The following ADAM32 variants were observed in gnomAD, a reference collection of about 807,000 sequenced individuals.
ADAM32 encodes the protein disintegrin and metalloproteinase domain-containing protein 32.
In ADAM32, 89 loss-of-function variants were observed where a neutral mutation model predicts 114.9. That is an observed-to-expected ratio of 0.77 (90% CI 0.65 to 0.92). The LOEUF (loss-of-function observed/expected upper bound fraction) is 0.92. Ranked by LOEUF, ADAM32 falls within the 40% of genes least tolerant of loss-of-function variation. The pLI, the probability that ADAM32 is intolerant of heterozygous loss-of-function variation, is 0.00. For synonymous variants in ADAM32, 285 were observed against 307.5 expected, an observed-to-expected ratio of 0.93 and a Z score of 0.77; for missense variants, 870 against 932.8, an observed-to-expected ratio of 0.93 and a Z score of 0.88.
intron 11 of ADAM32, among the ~76,000 whole-genome samples, chr8:39,207,618 T>C (rs572345711): frequency 6.6e-6 from 1 of 152,372 alleles, no homozygotes; most frequent in African/African-American, 2.4e-5. Context: ...TCATTTGGTA[T>C]AGTCACCCTA....
intron 6 of ADAM32, among the ~76,000 whole-genome samples, chr8:39,155,463 G>A (rs566562866): frequency 4.0e-4 from 61 of 152,346 alleles, no homozygotes; most frequent in African/African-American, 1.3e-3. Flanking sequence ...CCAAACATGT[G>A]AGGCTTCCTG....
At chr8:39,203,820 A>T (rs1807613233) in intron 11 of ADAM32, among the ~76,000 whole-genome samples, 1 of 152,156 alleles carries the variant, frequency 6.6e-6, no homozygotes, top group Admixed American at 6.5e-5. Flanking sequence ...CTTATAAGGC[A>T]GGCCTGGTGG....
At chr8:39,108,706 G>C (rs2129443864) in intron 1 of ADAM32, among the ~76,000 whole-genome samples, 1 of 152,236 alleles carries the variant, frequency 6.6e-6, no homozygotes, top group African/African-American at 2.4e-5. Flanking sequence ...AAGCCTCCCT[G>C]GTGATACTGT....
At chr8:39,131,114 G>A (rs983684941) in intron 2 of ADAM32, among the ~76,000 whole-genome samples, 10 of 151,726 alleles carry the variant, frequency 6.6e-5, no homozygotes, top group East Asian at 1.9e-4. Flanking sequence ...CCGCCACCAC[G>A]CCCAGCTAAT....
intron 18 of ADAM32, among the ~76,000 whole-genome samples, chr8:39,256,620 T>A (rs1306254320): frequency 1.3e-5 from 2 of 152,054 alleles, no homozygotes; most frequent in African/African-American, 4.8e-5. Flanking sequence ...AAAATGAAGT[T>A]CTTCTCCTCA....
At chr8:39,141,338 T>C (rs973697155) in intron 3 of ADAM32, among the ~76,000 whole-genome samples, 1 of 152,224 alleles carries the variant, frequency 6.6e-6, no homozygotes, top group Admixed American at 6.5e-5. Flanking sequence ...GTGCTATAAA[T>C]TTCCCTCTAC....
At chr8:39,230,149 G>A (rs1292647716) in intron 14 of ADAM32, among the ~76,000 whole-genome samples, 1 of 152,034 alleles carries the variant, frequency 6.6e-6, no homozygotes, top group Non-Finnish European at 1.5e-5. Context: ...AGGGTACTGG[G>A]GATCTAATTA....
intron 6 of ADAM32, among the ~76,000 whole-genome samples, chr8:39,153,287 G>A (rs977811390): frequency 6.6e-6 from 1 of 152,146 alleles, no homozygotes; most frequent in Non-Finnish European, 1.5e-5. Context: ...CTTGCCTTGT[G>A]AAAATTTCTA....
At chr8:39,191,965 G>C (rs1047937526) in intron 11 of ADAM32, among the ~76,000 whole-genome samples, 1 of 152,060 alleles carries the variant, frequency 6.6e-6, no homozygotes, top group African/African-American at 2.4e-5. Flanking sequence ...AATGGTACCC[G>C]GTCTTCTTTG....
At chr8:39,244,578 G>C (rs1810773577) in intron 16 of ADAM32, among the ~76,000 whole-genome samples, 1 of 152,188 alleles carries the variant, frequency 6.6e-6, no homozygotes, top group Admixed American at 6.5e-5. Flanking sequence ...AATGGTGGTG[G>C]GATAACTGGC....
rs1288276135 is a variant in ADAM32, at chr8:39,274,340, T to C, written c.2230T>C (p.Tyr744His). The change falls in exon 21 of 25, where the codon TAT becomes CAT. Residue 744 changes from tyrosine (Y) to histidine (H), a missense_variant. Transcript: ENST00000379907. ...CAGCTCAGAAGGCAGCACTCAGACA[T>C]ATGCCAGCCAGTAAGTAGGTTAGAA... The part of the protein sequence containing the change: ...QSSSEGSTQT[Y>H]ASQTRSESSS... 4 of 1,613,348 alleles carry C rather than the reference T, an allele frequency of 2.5e-6. No individual in the cohort carries two copies. The East Asian group carries it at 8.9e-5, about 36-fold the overall frequency.
upstream of ADAM32, chr8:39,107,586 C>T (rs982588449): frequency 1.4e-6 from 2 of 1,408,392 alleles, no homozygotes; most frequent in Non-Finnish European, 1.8e-6. Flanking sequence ...GATGTTTTAG[C>T]CTCGGGGCGC....
intron 11 of ADAM32, among the ~76,000 whole-genome samples, chr8:39,190,408 C>T (rs978912215): frequency 3.3e-5 from 5 of 152,054 alleles, no homozygotes; most frequent in African/African-American, 1.2e-4. Flanking sequence ...GGATAAATAC[C>T]AAGTACAAAG....
At chr8:39,248,908 T>G (rs982402014) in intron 17 of ADAM32, among the ~76,000 whole-genome samples, 1 of 151,062 alleles carries the variant, frequency 6.6e-6, no homozygotes, top group African/African-American at 2.4e-5. Flanking sequence ...TGTTGACTTT[T>G]TTTTTTTTTT....
At chr8:39,216,351 G>A (rs780710421) in intron 12 of ADAM32, among the ~76,000 whole-genome samples, 6 of 151,560 alleles carry the variant, frequency 4.0e-5, no homozygotes, top group African/African-American at 7.3e-5. Flanking sequence ...TTTAAAATTC[G>A]TTCAGCCACT....
chr8:39,157,157 A>G (rs1037265856), intron 6 of ADAM32, among the ~76,000 whole-genome samples: 4 of 152,090 alleles, frequency 2.6e-5, no homozygotes, highest in Non-Finnish European at 4.4e-5. Context: ...ATTAGATATT[A>G]CTATTATTGA....
intron 19 of ADAM32, among the ~76,000 whole-genome samples, chr8:39,261,288 A>G (rs1178451049): frequency 6.6e-6 from 1 of 151,996 alleles, no homozygotes; most frequent in Admixed American, 6.6e-5. Flanking sequence ...ACTTTTTTTT[A>G]GCTTCCACAT....
intron 12 of ADAM32, among the ~76,000 whole-genome samples, chr8:39,218,103 T>C (rs1172897138): frequency 9.2e-5 from 14 of 151,940 alleles, no homozygotes. Context: ...AATGGTGTGG[T>C]TTTTTGCAGA....
chr8:39,210,014 T>A (rs539775868), intron 11 of ADAM32, among the ~76,000 whole-genome samples: 1 of 152,338 alleles, frequency 6.6e-6, no homozygotes, highest in East Asian at 1.9e-4. Context: ...ACCTGACTGC[T>A]GCTGATATTT....
Sources: gnomAD v4.1 joint callset for allele counts (sites outside exome capture counted in the v4.1 genomes callset) on GRCh38, gnomAD v4.1.1 for gene constraint, MANE v1.5 for transcripts, NCBI Gene and HGNC (gene_info 2026-07-23, HGNC 2026-07-21) for gene names.